The following PRKG1 variants were observed in gnomAD, a reference collection of about 807,000 sequenced individuals.
The protein encoded by PRKG1 is protein kinase cGMP-dependent 1, also known as cGMP-dependent protein kinase 1.
In PRKG1, 35 loss-of-function variants were observed where a neutral mutation model predicts 88.1. The ratio of observed to expected loss-of-function variants is 0.40; its 90% confidence interval spans 0.30 to 0.53. The LOEUF is 0.53. PRKG1 is among the 20% of genes least tolerant of loss of function. The probability of loss-of-function intolerance (pLI) is 0.59; values close to 1 mark genes in which losing one functional copy is unlikely to be tolerated. For synonymous variants in PRKG1, 303 were observed against 292.5 expected (o/e 1.04, Z -0.37); for missense variants, 540 against 839.8 (o/e 0.64, Z 4.41).
chr10:51,468,524 A>T (rs12416474), intron 3 of PRKG1, among the ~76,000 whole-genome samples: 36,540 of 151,426 alleles, frequency 0.24, 6,487 homozygotes, highest in East Asian at 0.87. Flanking sequence ...AGATTTTTTT[A>T]AAAAAAATCT....
chr10:51,557,704 A>T (rs1281903820), intron 3 of PRKG1, among the ~76,000 whole-genome samples: 1 of 152,068 alleles, frequency 6.6e-6, no homozygotes, highest in Non-Finnish European at 1.5e-5. Flanking sequence ...TTTAGTTTTC[A>T]TCTCAAGATG....
chr10:51,251,560 T>C (rs183468830), intron 2 of PRKG1, among the ~76,000 whole-genome samples: 146 of 151,862 alleles, frequency 9.6e-4, no homozygotes, highest in African/African-American at 3.3e-3. Context: ...CAAATGGTAA[T>C]TGAATAAAGT....
chr10:51,764,876 A>G (rs1838117322), intron 3 of PRKG1, among the ~76,000 whole-genome samples: 1 of 152,170 alleles, frequency 6.6e-6, no homozygotes, highest in South Asian at 2.1e-4. Context: ...AAATAGGCAG[A>G]GAGCTTATTA....
chr10:51,542,043 TA>T (rs1842317014), intron 3 of PRKG1, among the ~76,000 whole-genome samples: 2 of 152,074 alleles, frequency 1.3e-5, no homozygotes, highest in African/African-American at 2.4e-5. Context: ...TCTTCATTAG[TA>T]ACTACAGGAT....
intron 4 of PRKG1, among the ~76,000 whole-genome samples, chr10:51,869,747 CATT>C (rs544694382): frequency 6.6e-5 from 10 of 152,122 alleles, no homozygotes; most frequent in Middle Eastern, 3.4e-3. Context: ...AAAGATATAT[CATT>C]ATATTTAAAT....
chr10:51,984,822 T>G (rs1844110288), intron 5 of PRKG1, among the ~76,000 whole-genome samples: 1 of 152,122 alleles, frequency 6.6e-6, no homozygotes, highest in African/African-American at 2.4e-5. Context: ...AAGCTAATAT[T>G]AGAAGATTTA....
chr10:51,287,288 T>C (rs1466933353), intron 2 of PRKG1, among the ~76,000 whole-genome samples: 1 of 152,226 alleles, frequency 6.6e-6, no homozygotes, highest in Non-Finnish European at 1.5e-5. Context: ...AGGTGGTATA[T>C]AGACACTCAC....
intron 1 of PRKG1, among the ~76,000 whole-genome samples, chr10:51,018,239 G>A (rs1843094036): frequency 6.6e-6 from 1 of 152,166 alleles, no homozygotes; most frequent in Admixed American, 6.5e-5. Context: ...TAATTTTGCT[G>A]GATGTAGAAT....
chr10:52,227,727 T>C (rs1239108391), intron 9 of PRKG1, among the ~76,000 whole-genome samples: 1 of 152,164 alleles, frequency 6.6e-6, no homozygotes, highest in Non-Finnish European at 1.5e-5. Context: ...AAACATCTTC[T>C]ATAAGCAGCA....
intron 9 of PRKG1, among the ~76,000 whole-genome samples, chr10:52,225,565 G>A (rs1186019609): frequency 1.3e-5 from 2 of 152,138 alleles, no homozygotes; most frequent in Non-Finnish European, 2.9e-5. Flanking sequence ...CCTTGCCTAA[G>A]CCAATGTCTA....
intron 12 of PRKG1, among the ~76,000 whole-genome samples, chr10:52,275,467 C>A (rs773212685): frequency 1.3e-5 from 2 of 151,990 alleles, no homozygotes; most frequent in African/African-American, 2.4e-5. Flanking sequence ...TTTTTGTTTG[C>A]TTTGTCAAAG....
In PRKG1 at chr10:51,555,723, A is replaced by G. The variant is rs1837292759; in HGVS notation, c.592+87887A>G. Among the ~76,000 whole-genome samples, 3 of 152,002 alleles carry G rather than the reference A, an allele frequency of 2.0e-5. No individual in the cohort carries two copies. The Admixed American group carries it at 2.0e-4, about 10-fold the overall frequency. ...TCAAGTGTATCGGAAAGTTTAGTAA[A>G]CAGAAAGCCAGAAAAACTAATTCTA... On this transcript the variant is annotated intron_variant, in intron 3 of 17. Transcript: ENST00000373980.
intron 2 of PRKG1, among the ~76,000 whole-genome samples, chr10:51,352,060 G>T (rs760911854): frequency 1.4e-4 from 22 of 152,098 alleles, no homozygotes; most frequent in Non-Finnish European, 2.9e-4. Context: ...TTGTAGATTT[G>T]TGCTATTATT....
At chr10:51,036,068 T>G (rs1456175846) in intron 1 of PRKG1, among the ~76,000 whole-genome samples, 1 of 152,208 alleles carries the variant, frequency 6.6e-6, no homozygotes, top group Admixed American at 6.5e-5. Context: ...GCCTTTGTAT[T>G]GAAATCACTG....
intron 4 of PRKG1, among the ~76,000 whole-genome samples, chr10:51,836,881 G>A (rs1840145859): frequency 6.6e-6 from 1 of 152,126 alleles, no homozygotes. Context: ...GGTGCACGGA[G>A]CATTTTAAAA....
intron 2 of PRKG1, among the ~76,000 whole-genome samples, chr10:51,336,274 C>G (rs1352838762): frequency 6.6e-6 from 1 of 151,916 alleles, no homozygotes; most frequent in African/African-American, 2.4e-5. Context: ...AATCACTTGA[C>G]CCTGGGAGGC....
At chr10:52,237,222 G>A (rs1840710759) in intron 9 of PRKG1, among the ~76,000 whole-genome samples, 2 of 142,234 alleles carry the variant, frequency 1.4e-5, no homozygotes, top group Admixed American at 7.1e-5. Context: ...ATACTGAATG[G>A]GCAAAAACTG....
At chr10:51,079,673 G>T (rs564000470) in intron 1 of PRKG1, among the ~76,000 whole-genome samples, 71 of 92,458 alleles carry the variant, frequency 7.7e-4, no homozygotes, top group African/African-American at 2.3e-3. Flanking sequence ...AATAGCTAAG[G>T]CTCATTTGTG....
intron 7 of PRKG1, among the ~76,000 whole-genome samples, chr10:52,063,072 C>T (rs1291601791): frequency 2.0e-5 from 3 of 152,140 alleles, no homozygotes; most frequent in East Asian, 1.9e-4. Flanking sequence ...GGCTGGTGGG[C>T]GCCTTCACCT....
Sources: allele counts gnomAD v4.1 joint callset (sites outside exome capture counted in the v4.1 genomes callset), GRCh38; gene constraint gnomAD v4.1.1; transcripts MANE v1.5; gene names NCBI Gene and HGNC (gene_info 2026-07-23, HGNC 2026-07-21).